FCHO1: variants seen among roughly 807,000 people sequenced by gnomAD.
FCHO1 encodes the protein FCH and mu domain containing endocytic adaptor 1, also known as F-BAR domain only protein 1.
In FCHO1, 45 loss-of-function variants were observed where a neutral mutation model predicts 114.4. The observed-to-expected ratio is 0.39, with a 90% CI of 0.31 to 0.50. The LOEUF is 0.50. FCHO1 is among the 20% of genes least tolerant of loss of function. The probability of loss-of-function intolerance (pLI) is 0.77; values close to 1 mark genes in which losing one functional copy is unlikely to be tolerated. For missense variants in FCHO1, 1,042 were observed against 1,209.6 expected (o/e 0.86, Z 2.06); for synonymous variants, 480 against 488.9 (o/e 0.98, Z 0.24).
intron 7 of FCHO1, 123 bp from the exon 8 acceptor site, chr19:17,770,302 A>G: frequency 4.6e-6 from 5 of 1,075,698 alleles, no homozygotes; most frequent in Non-Finnish European, 6.4e-6. Flanking sequence ...ACTCTGTCTA[A>G]AAAAAACCAA....
At chr19:17,777,483 C>T (rs1203370289) in intron 18 of FCHO1, among the ~76,000 whole-genome samples, 1 of 135,474 alleles carries the variant, frequency 7.4e-6, no homozygotes, top group African/African-American at 2.9e-5. Flanking sequence ...TTGCAGTAAG[C>T]CACTGTTGTG....
At position 17,762,743 on chromosome 19, in the gene FCHO1, C is replaced by A. The variant is rs765589527; in HGVS notation, c.28-19C>A. 3 of 1,579,392 alleles carry A rather than the reference C, an allele frequency of 1.9e-6. No homozygotes were observed. The highest frequency in any genetic ancestry group is 2.2e-5 in the South Asian group (2 of 90,452). ...TGTTCTCTCCATCCTTTCTCAATCT[C>A]TATTCCCATCCCCTGCAGGGCGAGA... On this transcript the variant is annotated intron_variant, in intron 4 of 28. Transcript: ENST00000596536.
At chr19:17,771,438 G>A (rs1286256274) in intron 9 of FCHO1, among the ~76,000 whole-genome samples, 3 of 151,692 alleles carry the variant, frequency 2.0e-5, no homozygotes, top group Non-Finnish European at 4.4e-5. Flanking sequence ...GGAGGCCGAG[G>A]CAGGTGGATC....
Position 17,764,326 on chromosome 19 carries a change from C to T in FCHO1, c.120-49C>T, listed in dbSNP as rs760418831. 7 of 1,580,482 alleles carry T rather than the reference C, an allele frequency of 4.4e-6. No homozygotes were observed. In the East Asian group the frequency reaches 1.6e-4, roughly 35 times the overall value. On this transcript the variant is annotated intron_variant, in intron 5 of 28. Transcript: ENST00000596536. ...AGAGTGCTGGGATTACAGGCGTGAA[C>T]CACTGCGCCCGGGCAGTTTCTCCAT...
At chr19:17,774,372 G>A in intron 12 of FCHO1, 22 bp from the exon 13 acceptor site, 9 of 1,613,686 alleles carry the variant, frequency 5.6e-6, no homozygotes, top group Non-Finnish European at 7.6e-6. Context: ...CAGTGCTCAG[G>A]TGCCCCCCAA....
chr19:17,784,130 C>T lies in FCHO1; in HGVS notation c.2121C>T (p.Thr707=), dbSNP rs146751489. 119 of 1,613,980 alleles carry T rather than the reference C, an allele frequency of 7.4e-5. No homozygotes were observed. The African/African-American group carries it at 1.3e-3, about 18-fold the overall frequency. ...FSDPSQSDPE[T]KDFWLNMAAL... The stretch of plus-strand genomic sequence containing the variant: ...ACCCCTCCCAGAGTGACCCTGAGAC[C>T]AAAGACTTCTGGCTCAACATGGCAG... The change falls in exon 25 of 29, where the codon ACC becomes ACT. Residue 707 remains threonine, a synonymous_variant. Coordinates refer to ENST00000596536, the MANE Select transcript of FCHO1 (RefSeq NM_015122.3). The surrounding 1 kb of genome is among the most constrained non-coding windows in gnomAD (Gnocchi z 5.3).
At position 17,783,008 on chromosome 19, in the gene FCHO1, C is replaced by A; in HGVS notation, c.1938-9C>A. The A allele has an allele frequency of 6.2e-7, 1 of 1,613,648 alleles. No individual in the cohort carries two copies. Among genetic ancestry groups the A allele is most frequent in the South Asian group, 1.1e-5 (1 of 91,034 alleles). ...CTAAGCCAACACCCAGTCCCCTCAT[C>A]CTCCCTAGCTGCCTGGCTCGAGTAA... On this transcript the variant is annotated splice_polypyrimidine_tract_variant and intron_variant, in intron 23 of 28. Transcript: ENST00000596536.
At chr19:17,762,659 A>G (rs2086791082) in intron 4 of FCHO1, 103 bp from the exon 5 acceptor site, 2 of 851,602 alleles carry the variant, frequency 2.3e-6, no homozygotes, top group African/African-American at 1.7e-5. Flanking sequence ...ACAAGTCCCT[A>G]CAGCCAAGGG....
chr19:17,784,502 C>T lies in FCHO1; in HGVS notation c.2227-223C>T, dbSNP rs919240708. ...ACTAGAAGCAGCCCAGCCCCGGAAC[C>T]TTACACTTGAACTTCCCTGGGAGAC... is the stretch of plus-strand genomic sequence containing the variant. On this transcript the variant is annotated intron_variant, in intron 25 of 28. Coordinates refer to ENST00000596536, the MANE Select transcript of FCHO1 (RefSeq NM_015122.3). The surrounding 1 kb of genome is among the most constrained non-coding windows in gnomAD (Gnocchi z 5.3). Among the ~76,000 whole-genome samples the T allele has an allele frequency of 3.9e-5, 6 of 152,142 alleles. No homozygotes were observed. The highest frequency in any genetic ancestry group is 1.9e-4 in the East Asian group (1 of 5,184).
chr19:17,778,507 G>C, intron 19 of FCHO1, 102 bp from the exon 20 acceptor site: 2 of 1,370,610 alleles, frequency 1.5e-6, no homozygotes, highest in Admixed American at 2.7e-5. Flanking sequence ...TTGAATGGGG[G>C]CCCCCCTGAC....
chr19:17,784,604 T>C lies in FCHO1; in HGVS notation c.2227-121T>C. On this transcript the variant is annotated intron_variant, in intron 25 of 28. Coordinates refer to ENST00000596536, the MANE Select transcript of FCHO1 (RefSeq NM_015122.3). This position sits in a 1 kb window ranked among gnomAD's most constrained non-coding sequence, Gnocchi z 5.3. ...CAGCCTCTCATCCATCAAATCTCCC[T>C]GTGACTGGACCCCCTTGGGGCGGTG... 2 of 947,902 alleles carry C rather than the reference T, an allele frequency of 2.1e-6. No homozygotes were observed. Among genetic ancestry groups the C allele is most frequent in the Non-Finnish European group, 1.7e-6 (1 of 591,728 alleles). 58.7% of individuals were successfully genotyped at this position (947,902 alleles called of 1,614,324 possible). A position where few individuals can be genotyped will look rare whatever the true frequency, so the allele number is the denominator to read the frequency against.
chr19:17,771,873 C>T (rs1009454610), intron 9 of FCHO1, among the ~76,000 whole-genome samples: 16 of 151,774 alleles, frequency 1.1e-4, no homozygotes, highest in South Asian at 2.1e-4. Flanking sequence ...AGTGCAGTGG[C>T]GTGATCTCAG....
chr19:17,779,993 G>A lies in FCHO1; in HGVS notation c.1627+1109G>A, dbSNP rs555641429. On this transcript the variant is annotated intron_variant, in intron 20 of 28. Coordinates refer to ENST00000596536, the MANE Select transcript of FCHO1 (RefSeq NM_015122.3). ...GGATGGGCTCCTGGGGGCTGTCTGA[G>A]GAGAATGGGAAGCCCCCGAGTCAGA... Among the ~76,000 whole-genome samples the A allele has an allele frequency of 1.1e-4, 17 of 151,778 alleles. No individual in the cohort carries two copies. In the East Asian group the frequency reaches 2.3e-3, roughly 21 times the overall value.
chr19:17,770,582 G>A lies in FCHO1; in HGVS notation c.489+5G>A, dbSNP rs775884443. On this transcript the variant is annotated splice_donor_5th_base_variant and intron_variant, in intron 8 of 28. Transcript: ENST00000596536. ...AGCCAGAAGGAGATGGACAAGGTGG[G>A]CTCACAGTGGGGGGGTTCTGAGGAA... The A allele has an allele frequency of 2.5e-6, 4 of 1,609,602 alleles. No individual in the cohort carries two copies. In the South Asian group the frequency reaches 4.4e-5, roughly 18 times the overall value.
chr19:17,761,653 T>TACAC (rs1555717041), intron 4 of FCHO1, among the ~76,000 whole-genome samples: 1 of 139,788 alleles, frequency 7.2e-6, no homozygotes, highest in Non-Finnish European at 1.6e-5. Flanking sequence ...TATATATATA[T>TACAC]ACACACACAC....
At chr19:17,753,128 T>C (rs1032966319) in intron 1 of FCHO1, among the ~76,000 whole-genome samples, 4 of 152,048 alleles carry the variant, frequency 2.6e-5, no homozygotes, top group African/African-American at 9.7e-5. Flanking sequence ...GTGGTTCCCA[T>C]GCCAGTCAGC....
intron 18 of FCHO1, among the ~76,000 whole-genome samples, chr19:17,777,921 C>G (rs999786637): frequency 2.0e-5 from 3 of 152,176 alleles, no homozygotes; most frequent in African/African-American, 7.2e-5. Context: ...TGCCTGTAAT[C>G]CCAGCTACTC....
intron 27 of FCHO1, 97 bp from the exon 28 acceptor site, chr19:17,787,585 C>G: frequency 7.3e-7 from 1 of 1,373,896 alleles, no homozygotes; most frequent in South Asian, 1.4e-5. Flanking sequence ...ATAAAGGCCA[C>G]AGAACAGAGG....
intron 7 of FCHO1, 64 bp from the exon 8 acceptor site, chr19:17,770,361 C>T (rs958268812): frequency 1.1e-5 from 16 of 1,486,380 alleles, no homozygotes; most frequent in Admixed American, 5.9e-5. Context: ...GCTGACATCA[C>T]GTGGAGTGTT....
Sources: allele counts gnomAD v4.1 joint callset (sites outside exome capture counted in the v4.1 genomes callset), GRCh38; gene constraint gnomAD v4.1.1; non-coding constraint Gnocchi (gnomAD v3.1); transcripts MANE v1.5; gene names NCBI Gene and HGNC (gene_info 2026-07-23, HGNC 2026-07-21).